Variants in RCAN2 observed in about 807,000 individuals in gnomAD.
The protein encoded by RCAN2 is regulator of calcineurin 2, also known as calcipressin-2.
In RCAN2, 9 loss-of-function variants were observed where a neutral mutation model predicts 23.6. That is an observed-to-expected ratio of 0.38 (90% confidence interval 0.23 to 0.67). The LOEUF is 0.67. Ranked by LOEUF, RCAN2 falls within the 30% of genes least tolerant of loss-of-function variation. RCAN2 has a pLI of 0.51. For missense variants in RCAN2, 273 were observed against 302.3 expected (o/e 0.90, Z 0.72); for synonymous variants, 109 against 115.7 (o/e 0.94, Z 0.37).
rs147989852 is a variant in RCAN2 at position 46,435,210 on chromosome 6, T to C, written c.225+21542A>G. Among the ~76,000 whole-genome samples the C allele has an allele frequency of 8.0e-3, 1,216 of 152,298 alleles. 17 individuals carry two copies. The highest frequency in any genetic ancestry group is 0.028 in the African/African-American group (1,164 of 41,564). On this transcript the variant is annotated intron_variant, in intron 2 of 4. Transcript: ENST00000371374. ...TCTGTCTACAGTGATTATATAGGAT[T>C]CCCTAAAGAATTATTTTTTGAAATA...
intron 2 of RCAN2, among the ~76,000 whole-genome samples, chr6:46,272,677 C>T (rs1767559584): frequency 6.6e-6 from 1 of 152,126 alleles, no homozygotes; most frequent in Admixed American, 6.5e-5. Context: ...TTTGGTCATA[C>T]TCTTTAATTT....
chr6:46,356,454 A>AT (rs201463999), intron 2 of RCAN2, among the ~76,000 whole-genome samples: 34 of 151,430 alleles, frequency 2.2e-4, no homozygotes, highest in Admixed American at 2.0e-4. Flanking sequence ...GGAGGGTGGC[A>AT]TTTTTTTTTC....
chr6:46,488,211 G>A (rs1371629451), intron 1 of RCAN2, among the ~76,000 whole-genome samples: 2 of 152,176 alleles, frequency 1.3e-5, no homozygotes, highest in Non-Finnish European at 2.9e-5. Flanking sequence ...TCAGAGCCTG[G>A]GCTTCAATTC....
At chr6:46,408,100 G>A (rs564591386) in intron 2 of RCAN2, among the ~76,000 whole-genome samples, 2 of 152,308 alleles carry the variant, frequency 1.3e-5, no homozygotes, top group African/African-American at 4.8e-5. Flanking sequence ...TCTGGTCAGA[G>A]TCCTTCTGGA....
intron 2 of RCAN2, among the ~76,000 whole-genome samples, chr6:46,435,962 G>A (rs1025109850): frequency 2.6e-5 from 4 of 152,204 alleles, no homozygotes; most frequent in African/African-American, 9.7e-5. Context: ...CAATTTATTG[G>A]TACAGTAAGG....
intron 2 of RCAN2, among the ~76,000 whole-genome samples, chr6:46,296,091 G>GTC (rs1219434004): frequency 1.3e-5 from 2 of 150,566 alleles, no homozygotes; most frequent in African/African-American, 2.5e-5. Context: ...GTGTGTGTGT[G>GTC]TGTGTGTGTG....
intron 2 of RCAN2, among the ~76,000 whole-genome samples, chr6:46,253,868 A>T (rs190005246): frequency 2.3e-4 from 35 of 152,292 alleles, no homozygotes; most frequent in Non-Finnish European, 4.3e-4. Flanking sequence ...TGCCTACCGA[A>T]TTCAGTATAG....
At chr6:46,483,686 C>T (rs952847596) in intron 1 of RCAN2, among the ~76,000 whole-genome samples, 3 of 152,042 alleles carry the variant, frequency 2.0e-5, no homozygotes, top group African/African-American at 7.2e-5. Flanking sequence ...CACCAAGAGA[C>T]AGAGAAATAA....
chr6:46,455,661 C>A (rs796487691), intron 2 of RCAN2, among the ~76,000 whole-genome samples: 8 of 151,836 alleles, frequency 5.3e-5, no homozygotes, highest in African/African-American at 1.9e-4. Context: ...TCGAGACCAT[C>A]CTGGCTAACA....
intron 2 of RCAN2, among the ~76,000 whole-genome samples, chr6:46,296,667 C>A (rs1010394333): frequency 5.9e-5 from 9 of 152,128 alleles, no homozygotes; most frequent in African/African-American, 2.2e-4. Context: ...ATATGATACC[C>A]AGAGGCCATC....
At chr6:46,301,490 C>T (rs1025358636) in intron 2 of RCAN2, among the ~76,000 whole-genome samples, 3 of 152,096 alleles carry the variant, frequency 2.0e-5, no homozygotes, top group Non-Finnish European at 4.4e-5. Context: ...CAATTTAACA[C>T]ATTCATTCAT....
chr6:46,447,825 AT>A (rs1393740817), intron 2 of RCAN2, among the ~76,000 whole-genome samples: 2 of 151,848 alleles, frequency 1.3e-5, no homozygotes, highest in African/African-American at 4.8e-5. Flanking sequence ...ATCTAGTAGC[AT>A]ACTATGAGAT....
chr6:46,280,853 T>C (rs1767884847), intron 2 of RCAN2, among the ~76,000 whole-genome samples: 1 of 152,110 alleles, frequency 6.6e-6, no homozygotes, highest in South Asian at 2.1e-4. Flanking sequence ...CACACATGCA[T>C]GTGCATACAT....
chr6:46,399,582 G>A (rs1766191341), intron 2 of RCAN2, among the ~76,000 whole-genome samples: 2 of 151,778 alleles, frequency 1.3e-5, no homozygotes, highest in South Asian at 4.2e-4. Context: ...GTGTCAGGAG[G>A]GTTGATTCCC....
chr6:46,225,033 T>C (rs1362904143), intron 4 of RCAN2, among the ~76,000 whole-genome samples: 1 of 151,740 alleles, frequency 6.6e-6, no homozygotes, highest in Non-Finnish European at 1.5e-5. Context: ...ATATGTGGTG[T>C]TTGGCTTTCT....
intron 4 of RCAN2, among the ~76,000 whole-genome samples, chr6:46,240,937 C>T (rs9472724): frequency 6.6e-6 from 1 of 152,026 alleles, no homozygotes; most frequent in African/African-American, 2.4e-5. Context: ...TTTTAAAAAC[C>T]CTTCTCTGCA....
chr6:46,273,439 A>T (rs1319791632), intron 2 of RCAN2, among the ~76,000 whole-genome samples: 1 of 152,226 alleles, frequency 6.6e-6, no homozygotes, highest in African/African-American at 2.4e-5. Flanking sequence ...TATTGATTAT[A>T]TCATTGATGT....
chr6:46,351,171 GC>G (rs1369700062), intron 2 of RCAN2, among the ~76,000 whole-genome samples: 1 of 152,180 alleles, frequency 6.6e-6, no homozygotes, highest in African/African-American at 2.4e-5. Context: ...GGTAAATGAG[GC>G]CAGGATTTCA....
chr6:46,448,064 C>T (rs1308032188), intron 2 of RCAN2, among the ~76,000 whole-genome samples: 1 of 151,380 alleles, frequency 6.6e-6, no homozygotes, highest in African/African-American at 2.4e-5. Flanking sequence ...TGGCCTTTTA[C>T]AAAGATAAAC....
Sources: allele counts gnomAD v4.1 joint callset (sites outside exome capture counted in the v4.1 genomes callset), GRCh38; gene constraint gnomAD v4.1.1; transcripts MANE v1.5; gene names NCBI Gene and HGNC (gene_info 2026-07-23, HGNC 2026-07-21).